Variants in UBN1 observed in about 807,000 individuals in gnomAD.
UBN1 encodes ubinuclein-1.
UBN1 carries 17 observed loss-of-function variants against 108.5 expected under a neutral mutation model. The observed-to-expected ratio is 0.16, with a 90% CI of 0.11 to 0.24. The LOEUF is 0.24. Among genes scored for constraint, UBN1 ranks in the 10% least tolerant of loss-of-function variants. The probability of loss-of-function intolerance (pLI) is 1.00; values close to 1 mark genes in which losing one functional copy is unlikely to be tolerated. For missense variants in UBN1, 1,595 were observed against 1,394.4 expected (o/e 1.14, Z -2.29); for synonymous variants, 726 against 564.2 (o/e 1.29, Z -4.07).
At chr16:4,863,063 G>A (rs1217904354) in intron 7 of UBN1, among the ~76,000 whole-genome samples, 1 of 152,140 alleles carries the variant, frequency 6.6e-6, no homozygotes, top group Non-Finnish European at 1.5e-5. Context: ...TGAAAAATGG[G>A]GTGGAAGGTG....
intron 5 of UBN1, 84 bp from the exon 6 acceptor site, chr16:4,859,781 G>A (rs2086975049): frequency 1.1e-5 from 17 of 1,579,974 alleles, no homozygotes; most frequent in African/African-American, 2.7e-5. Context: ...GATGTGCCCC[G>A]GGCGGAGCAA....
Position 4,874,675 on chromosome 16 carries a change from A to G in UBN1, c.2265A>G (p.Pro755=), listed in dbSNP as rs1485871495. The G allele has an allele frequency of 1.2e-6, 2 of 1,614,242 alleles. No individual in the cohort carries two copies. Among genetic ancestry groups the G allele is most frequent in the Non-Finnish European group, 1.7e-6 (2 of 1,180,044 alleles). The stretch of plus-strand genomic sequence containing the variant: ...GGCAGTCCTCTCAGGAGAAAAAACC[A>G]GAGAGTTCTGGCTACAAAGAGCTGT... The part of the protein sequence containing the change: ...ALGQSSQEKK[P]ESSGYKELSC... Residue 755 remains proline (P), a synonymous_variant, in exon 15 of 18, where the codon CCA becomes CCG. Coordinates refer to ENST00000262376, the MANE Select transcript of UBN1 (RefSeq NM_001079514.3).
intron 8 of UBN1, 51 bp downstream of exon 8, chr16:4,868,954 G>A (rs576700610): frequency 6.2e-7 from 1 of 1,604,544 alleles, no homozygotes; most frequent in South Asian, 1.1e-5. Context: ...CTATTACTGA[G>A]CTTGGGGCAA....
At chr16:4,870,408 C>T (rs2087568337) in intron 9 of UBN1, 67 bp downstream of exon 9, 4 of 1,609,762 alleles carry the variant, frequency 2.5e-6, no homozygotes, top group Non-Finnish European at 3.4e-6. Context: ...GAGTCTTAAG[C>T]AATGATGCGT....
rs751842571 is a variant in UBN1 at position 4,849,949 on chromosome 16, C to CAAAA, written c.-40+1753_-40+1756dup. On this transcript the variant is annotated intron_variant, in intron 1 of 17. Transcript: ENST00000262376. ...CAACAGGAGTGAGGCAACTGTCTCA[C>CAAAA]AAAAAAAAAAAAAAAAACCACAAAA... 7.7e-3 allele frequency among the ~76,000 whole-genome samples: 557 copies of CAAAA among 72,190 alleles called. 22 individuals carry two copies. The highest frequency in any genetic ancestry group is 0.031 in the African/African-American group (524 of 16,916). 47.4% of individuals were successfully genotyped at this position (72,190 alleles called of 152,430 possible).
In UBN1 at chr16:4,870,196, G is replaced by A. The variant is rs1229412474; in HGVS notation, c.1182-16G>A. 6.2e-7 allele frequency: 1 copy of A among 1,613,976 alleles called. No homozygotes were observed. The highest frequency in any genetic ancestry group is 8.5e-7 in the Non-Finnish European group (1 of 1,179,946). ...CAGTGAGCTGCAGCCGGTGGTGACT[G>A]TGTTTTGTTCTTCAGCATAGAGGCG... On this transcript the variant is annotated splice_polypyrimidine_tract_variant and intron_variant, in intron 8 of 17. Coordinates refer to ENST00000262376, the MANE Select transcript of UBN1 (RefSeq NM_001079514.3).
chr16:4,874,557 G>A lies in UBN1; in HGVS notation c.2147G>A (p.Arg716Lys), dbSNP rs375962128. Residue 716 changes from arginine (R) to lysine (K), a missense_variant, in exon 15 of 18, where the codon AGG becomes AAG. Arg to Lys is a conservative substitution (Grantham distance 26, BLOSUM62 2). Coordinates refer to ENST00000262376, the MANE Select transcript of UBN1 (RefSeq NM_001079514.3). ...VGGVLCTEEK[R>K]NFAKPSPSAP... ...GGCGTTTTATGTACAGAAGAAAAAA[G>A]GAACTTTGCGAAGCCTAGTCCTTCT... 1 of 1,614,030 alleles carries A rather than the reference G, an allele frequency of 6.2e-7. No homozygotes were observed. The highest frequency in any genetic ancestry group is 1.3e-5 in the African/African-American group (1 of 74,938).
Position 4,852,934 on chromosome 16 carries a change from G to A in UBN1, c.17G>A (p.Arg6Lys). 1 of 1,614,044 alleles carries A rather than the reference G, an allele frequency of 6.2e-7. No homozygotes were observed. Among genetic ancestry groups the A allele is most frequent in the Non-Finnish European group, 8.5e-7 (1 of 1,179,956 alleles). Residue 6 changes from arginine (R) to lysine (K), a missense_variant, in exon 2 of 18, where the codon AGG (arginine) becomes AAG (lysine). Physicochemically the swap from Arg to Lys is conservative, Grantham distance 26 (BLOSUM62 2). Around this residue, in one of 3 missense-constraint regions of UBN1, gnomAD observed 181 missense variants for 157.3 expected, o/e 1.15. Transcript: ENST00000262376. ...TTGGTAGCCATGTCGGAGCCCCACA[G>A]GGTCCAGTTCACCTCTCTCCCAGGT... Reference protein sequence around the residue: MSEPHRVQFTSLPGSL... With the variant: MSEPHKVQFTSLPGSL...
chr16:4,852,603 A>G (rs2086610388), intron 1 of UBN1: 1 of 191,370 alleles, frequency 5.2e-6, no homozygotes, highest in East Asian at 1.3e-4. Context: ...TACAATTTGG[A>G]GGTCTAAGGC....
chr16:4,848,703 A>G (rs938884161), intron 1 of UBN1, among the ~76,000 whole-genome samples: 1 of 152,226 alleles, frequency 6.6e-6, no homozygotes, highest in African/African-American at 2.4e-5. Flanking sequence ...TTTAAAGCGT[A>G]TTTAAGATTC....
Position 4,877,378 on chromosome 16 carries a change from C to G in UBN1, c.3266-7C>G, listed in dbSNP as rs1203505598. On this transcript the variant is annotated splice_polypyrimidine_tract_variant and splice_region_variant and intron_variant, in intron 16 of 17. Transcript: ENST00000262376. This position sits in a 1 kb window ranked among gnomAD's most constrained non-coding sequence, Gnocchi z 4.3. ...TTGTTCTTTTCTCCCCTCCTGTTTT[C>G]TCTCAGGTCTTCTGGCTGGCTTGCA... 6.2e-7 allele frequency: 1 copy of G among 1,608,510 alleles called. No individual in the cohort carries two copies.
In UBN1 at chr16:4,874,073, C is replaced by T. The variant is rs1275343632; in HGVS notation, c.1801-138C>T. 6.3e-6 allele frequency: 7 copies of T among 1,103,050 alleles called. No individual in the cohort carries two copies. In the East Asian group the frequency reaches 1.7e-4, roughly 27 times the overall value. 68.3% of individuals were successfully genotyped at this position (1,103,050 alleles called of 1,614,324 possible). ...AGTCAAGGCGGGCACAGCTCCTGCT[C>T]TGTCCCACCACTTGTCTTGTAATTA... On this transcript the variant is annotated intron_variant, in intron 14 of 17. Coordinates refer to ENST00000262376, the MANE Select transcript of UBN1 (RefSeq NM_001079514.3).
At chr16:4,853,197 G>A in intron 2 of UBN1, 31 bp downstream of exon 2, 1 of 1,610,948 alleles carries the variant, frequency 6.2e-7, no homozygotes, top group Non-Finnish European at 8.5e-7. Context: ...AGGCGCTGCA[G>A]GTTTAACGCA....
chr16:4,869,022 A>G, intron 8 of UBN1, 119 bp downstream of exon 8: 1 of 919,486 alleles, frequency 1.1e-6, no homozygotes, highest in Non-Finnish European at 1.6e-6. Context: ...CACCAAGGAG[A>G]TAAAAGAAGA....
chr16:4,879,674 G>A (rs1456216568), intron 17 of UBN1, among the ~76,000 whole-genome samples: 1 of 152,234 alleles, frequency 6.6e-6, no homozygotes, highest in Non-Finnish European at 1.5e-5. Context: ...GACTGAGAAT[G>A]CTAGTGCCTT....
At chr16:4,850,358 A>G (rs925466976) in intron 1 of UBN1, among the ~76,000 whole-genome samples, 2 of 152,194 alleles carry the variant, frequency 1.3e-5, no homozygotes, top group African/African-American at 2.4e-5. Context: ...AGATAAGGTT[A>G]TGTGTTTACT....
intron 7 of UBN1, among the ~76,000 whole-genome samples, chr16:4,866,774 T>C (rs944944596): frequency 2.0e-5 from 3 of 152,190 alleles, no homozygotes; most frequent in Admixed American, 1.3e-4. Context: ...GGCCTCCCAA[T>C]GTGTTAGGAT....
At position 4,877,048 on chromosome 16, in the gene UBN1, G is replaced by A; in HGVS notation, c.3202G>A (p.Val1068Ile). The change falls in exon 16 of 18, where the codon GTC (valine) becomes ATC (isoleucine). Residue 1068 changes from valine to isoleucine, a missense_variant. Physicochemically the swap from Val to Ile is conservative, Grantham distance 29. Coordinates refer to ENST00000262376, the MANE Select transcript of UBN1 (RefSeq NM_001079514.3). The surrounding 1 kb of genome is among the most constrained non-coding windows in gnomAD (Gnocchi z 4.3). ...FSADSSAKAG[V>I]SKDAIVTGPA... ...CGCTGACTCCTCTGCCAAAGCAGGG[G>A]TCTCCAAGGATGCCATCGTCACAGG... The A allele has an allele frequency of 6.2e-7, 1 of 1,614,184 alleles. No individual in the cohort carries two copies. Among genetic ancestry groups the A allele is most frequent in the Non-Finnish European group, 8.5e-7 (1 of 1,180,026 alleles).
chr16:4,880,425 C>A lies in UBN1; in HGVS notation c.*293C>A. 2 of 376,756 alleles carry A rather than the reference C, an allele frequency of 5.3e-6. No individual in the cohort carries two copies. Among genetic ancestry groups the A allele is most frequent in the Non-Finnish European group, 1.0e-5 (2 of 199,202 alleles). 23.3% of individuals were successfully genotyped at this position (376,756 alleles called of 1,614,324 possible). On this transcript the variant is annotated 3_prime_UTR_variant, in exon 18 of 18. Transcript: ENST00000262376. ...GCTTGCGCTGGGCCGTGGTGGGAGG[C>A]ACAGTGTTTACAGGCTCTGGTGGCA...
Sources: gnomAD v4.1 joint callset for allele counts (sites outside exome capture counted in the v4.1 genomes callset) on GRCh38, gnomAD v4.1.1 for gene constraint, gnomAD v4.1.1 regional missense constraint, Gnocchi (gnomAD v3.1) non-coding constraint, MANE v1.5 for transcripts, NCBI Gene and HGNC (gene_info 2026-07-23, HGNC 2026-07-21) for gene names.